DDX1: variants seen among roughly 807,000 people sequenced by gnomAD.
DDX1 encodes ATP-dependent RNA helicase DDX1.
A neutral mutation model predicts 108.7 loss-of-function variants in DDX1; 28 were observed. The ratio of observed to expected loss-of-function variants is 0.26; its 90% CI spans 0.19 to 0.35. The LOEUF is 0.35. DDX1 is among the 10% of genes least tolerant of loss of function. The pLI, the probability that DDX1 is intolerant of heterozygous loss-of-function variation, is 1.00. For missense variants in DDX1, 710 were observed against 884.5 expected, an observed-to-expected ratio of 0.80 and a Z score of 2.50; for synonymous variants, 295 against 288.9, an observed-to-expected ratio of 1.02 and a Z score of -0.21.
chr2:15,595,963 C>T (rs1264227345), intron 3 of DDX1, among the ~76,000 whole-genome samples: 1 of 152,134 alleles, frequency 6.6e-6, no homozygotes, highest in African/African-American at 2.4e-5. Flanking sequence ...TAGTTCACTG[C>T]AGCCTCAAAC....
At chr2:15,610,319 T>C (rs4668942) in intron 13 of DDX1, among the ~76,000 whole-genome samples, 36,491 of 152,120 alleles carry the variant, frequency 0.24, 5,391 homozygotes, top group African/African-American at 0.42. Context: ...TGTTTTGATG[T>C]TGTAGTTAAG....
At chr2:15,606,726 C>G (rs767435391) in intron 12 of DDX1, among the ~76,000 whole-genome samples, 1 of 152,172 alleles carries the variant, frequency 6.6e-6, no homozygotes, top group Non-Finnish European at 1.5e-5. Flanking sequence ...CATTGTATAT[C>G]TAATATTTAA....
intron 16 of DDX1, among the ~76,000 whole-genome samples, chr2:15,619,836 T>C (rs1364772709): frequency 6.6e-6 from 1 of 152,222 alleles, no homozygotes; most frequent in East Asian, 1.9e-4. Context: ...TAACTTCAGC[T>C]ATTGAAAAAT....
At chr2:15,596,886 C>G (rs994254384) in intron 4 of DDX1, 123 bp downstream of exon 4, 5 of 721,658 alleles carry the variant, frequency 6.9e-6, no homozygotes, top group Non-Finnish European at 1.2e-5. Context: ...GAATTAATTA[C>G]TTGCTACTGA....
chr2:15,598,522 A>C (rs1301962708), intron 5 of DDX1, among the ~76,000 whole-genome samples: 2 of 152,232 alleles, frequency 1.3e-5, no homozygotes, highest in East Asian at 3.8e-4. Flanking sequence ...TAATTGTTAA[A>C]TTATTGAAGA....
intron 13 of DDX1, 138 bp downstream of exon 13, chr2:15,607,451 T>TCC: frequency 6.3e-6 from 4 of 632,678 alleles, no homozygotes; most frequent in South Asian, 6.9e-5. Flanking sequence ...AAATATACTT[T>TCC]AATAATTTCC....
At chr2:15,596,860 A>G in intron 4 of DDX1, 97 bp downstream of exon 4, 4 of 940,348 alleles carry the variant, frequency 4.3e-6, no homozygotes, top group Non-Finnish European at 5.0e-6. Context: ...TAAAATAGCA[A>G]CCTCCAAAAG....
chr2:15,602,161 C>T (rs570601226), intron 6 of DDX1, among the ~76,000 whole-genome samples: 3 of 152,164 alleles, frequency 2.0e-5, no homozygotes, highest in East Asian at 1.9e-4. Flanking sequence ...TCCTTGAGTA[C>T]GTTTCTTTAA....
chr2:15,621,073 T>C lies in DDX1; in HGVS notation c.1404T>C (p.Asp468=), dbSNP rs755007537. 6.8e-6 allele frequency: 11 copies of C among 1,607,630 alleles called. No individual in the cohort carries two copies. The African/African-American group carries it at 1.2e-4, about 18-fold the overall frequency. ...RLGKSHIRTD[D]VHAKDNTRPG... The stretch of plus-strand genomic sequence containing the variant: ...TTCCTTGCTTTTGATAGACTGATGA[T>C]GTACATGCAAAAGATAACACAAGAC... Residue 468 remains aspartate, a synonymous_variant, in exon 18 of 26, where the codon GAT becomes GAC. Transcript: ENST00000233084.
intron 13 of DDX1, among the ~76,000 whole-genome samples, chr2:15,608,527 C>CAAAA (rs201822266): frequency 1.1e-5 from 1 of 93,978 alleles, no homozygotes; most frequent in African/African-American, 4.8e-5. Flanking sequence ...GACTCCGTCT[C>CAAAA]AAAAAAAAAA....
At chr2:15,607,071 T>C in intron 12 of DDX1, 104 bp from the exon 13 acceptor site, 1 of 1,098,782 alleles carries the variant, frequency 9.1e-7, no homozygotes, top group Non-Finnish European at 1.3e-6. Context: ...TTTTGACAAT[T>C]ATTATGTAAA....
rs139597816 is a variant in DDX1 at position 15,629,663 on chromosome 2, A to C, written c.1937A>C (p.Asp646Ala). ...TGTTATAACACAAGACTCAAGGAAG[A>C]TGGAGGCTGTACCATATGGTACAAC... The part of the protein sequence containing the change: ...KGCYNTRLKE[D>A]GGCTIWYNEM... The change falls in exon 24 of 26, where the codon GAT becomes GCT. Residue 646 changes from aspartate to alanine, a missense_variant. Physicochemically the swap from Asp to Ala is moderately radical, Grantham distance 126 (BLOSUM62 -2). This residue lies in a region of DDX1 where 661 missense variants were observed against 810.2 expected (regional missense o/e 0.82). Transcript: ENST00000233084. 9.4e-6 allele frequency: 15 copies of C among 1,589,674 alleles called. No homozygotes were observed. The highest frequency in any genetic ancestry group is 1.9e-5 in the Admixed American group (1 of 53,818).
chr2:15,627,206 A>G, intron 20 of DDX1, 61 bp downstream of exon 20: 1 of 974,314 alleles, frequency 1.0e-6, no homozygotes, highest in Non-Finnish European at 1.6e-6. Flanking sequence ...TCTAGTTTTA[A>G]GCAGTTTTAA....
rs753346257 is a variant in DDX1 at position 15,617,197 on chromosome 2, T to C, written c.1018-47T>C. The C allele has an allele frequency of 1.8e-5, 18 of 986,274 alleles. No individual in the cohort carries two copies. In the Admixed American group the frequency reaches 2.8e-4, roughly 15 times the overall value. 61.1% of individuals were successfully genotyped at this position (986,274 alleles called of 1,614,324 possible). A position where few individuals can be genotyped will look rare whatever the true frequency, so the allele number is the denominator to read the frequency against. ...ATTGGTTGCTATTTTAACGTAATTA[T>C]ACTGTTTCTTTAGTTTTCATTAAGT... On this transcript the variant is annotated intron_variant, in intron 14 of 25. Coordinates refer to ENST00000233084, the MANE Select transcript of DDX1 (RefSeq NM_004939.3).
Position 15,607,450 on chromosome 2 carries a change from TTAATA to T in DDX1, c.956+138_956+142del, listed in dbSNP as rs1665682414. 6.3e-6 allele frequency: 4 copies of T among 636,704 alleles called. 1 individual carries two copies. In the South Asian group the frequency reaches 1.4e-4, roughly 22 times the overall value. 39.4% of individuals were successfully genotyped at this position (636,704 alleles called of 1,614,324 possible). On this transcript the variant is annotated intron_variant, in intron 13 of 25. Transcript: ENST00000233084. ...ACGTGTGTGAGTATGTAAATATACT[TTAATA>T]ATTTCCATATACAACTCCTGTTTGT...
chr2:15,605,237 T>C (rs901364827), intron 10 of DDX1, among the ~76,000 whole-genome samples: 12 of 151,618 alleles, frequency 7.9e-5, no homozygotes, highest in African/African-American at 2.9e-4. Flanking sequence ...TGCCTAGGGA[T>C]TGAGGGTAGT....
chr2:15,625,343 A>G (rs1451869515), intron 19 of DDX1, among the ~76,000 whole-genome samples: 9 of 152,156 alleles, frequency 5.9e-5, no homozygotes, highest in East Asian at 5.8e-4. Context: ...ATATGAGGGT[A>G]TTTTTTGGTG....
At chr2:15,613,395 C>A in intron 14 of DDX1, 111 bp downstream of exon 14, 1 of 638,124 alleles carries the variant, frequency 1.6e-6, no homozygotes, top group Non-Finnish European at 2.6e-6. Flanking sequence ...AGAGCAAGGT[C>A]AGAGGAGTAT....
At chr2:15,598,689 T>C (rs1226885779) in intron 5 of DDX1, among the ~76,000 whole-genome samples, 1 of 152,242 alleles carries the variant, frequency 6.6e-6, no homozygotes, top group Non-Finnish European at 1.5e-5. Context: ...ATGTTCAAAG[T>C]GTTTAAGCTG....
Sources: gnomAD v4.1 joint callset for allele counts (sites outside exome capture counted in the v4.1 genomes callset) on GRCh38, gnomAD v4.1.1 for gene constraint, gnomAD v4.1.1 regional missense constraint, MANE v1.5 for transcripts, NCBI Gene and HGNC (gene_info 2026-07-23, HGNC 2026-07-21) for gene names.